TTC12: variants seen among roughly 807,000 people sequenced by gnomAD.
The protein encoded by TTC12 is tetratricopeptide repeat domain 12.
A neutral mutation model predicts 90.1 loss-of-function variants in TTC12; 70 were observed. The observed-to-expected ratio is 0.78, with a 90% CI of 0.64 to 0.95. The LOEUF is 0.95. Ranked by LOEUF, TTC12 falls within the 40% of genes least tolerant of loss-of-function variation. The pLI is 0.00. For missense variants in TTC12, 819 were observed against 846.1 expected, an observed-to-expected ratio of 0.97 and a Z score of 0.40; for synonymous variants, 296 against 311.5, an observed-to-expected ratio of 0.95 and a Z score of 0.53.
intron 7 of TTC12, among the ~76,000 whole-genome samples, 195 bp downstream of exon 7, chr11:113,330,174 A>C (rs1947961472): frequency 6.6e-6 from 1 of 152,210 alleles, no homozygotes; most frequent in Admixed American, 6.5e-5. Flanking sequence ...CCTAGAAAGC[A>C]ATCCAGGGAG....
intron 7 of TTC12, among the ~76,000 whole-genome samples, chr11:113,332,199 A>G (rs1555142782): frequency 6.6e-6 from 1 of 152,234 alleles, no homozygotes; most frequent in African/African-American, 2.4e-5. Flanking sequence ...ACAATGAAAT[A>G]CATCTTCCTC....
At chr11:113,314,713 C>T (rs1418383767) in intron 1 of TTC12, 95 bp downstream of exon 1, 3 of 152,918 alleles carry the variant, frequency 2.0e-5, no homozygotes, top group African/African-American at 7.2e-5. Flanking sequence ...GGCCCCAGAG[C>T]ATGGGAAGGT....
chr11:113,316,896 T>C lies in TTC12; in HGVS notation c.58+581T>C, dbSNP rs567865763. The stretch of plus-strand genomic sequence containing the variant: ...AGGAATTTCCAAACCTGTCAGTCCC[T>C]GTTCAGGGAGCTTGCTTGAGTATAG... On this transcript the variant is annotated intron_variant, in intron 2 of 21. Transcript: ENST00000529221. Among the ~76,000 whole-genome samples, 7 of 152,358 alleles carry C rather than the reference T, an allele frequency of 4.6e-5. No homozygotes were observed. The South Asian group carries it at 1.4e-3, about 32-fold the overall frequency.
chr11:113,341,392 A>C (rs1356246947), intron 11 of TTC12, among the ~76,000 whole-genome samples: 1 of 152,206 alleles, frequency 6.6e-6, no homozygotes, highest in Non-Finnish European at 1.5e-5. Context: ...TCATATCAAG[A>C]AGTGATATAA....
downstream of TTC12, chr11:113,368,183 C>A: frequency 1.4e-6 from 2 of 1,444,136 alleles, no homozygotes; most frequent in Non-Finnish European, 9.2e-7. Context: ...GTTTATTGTT[C>A]CAGAGTGCCT....
At chr11:113,317,233 C>T (rs1946996861) in intron 2 of TTC12, among the ~76,000 whole-genome samples, 1 of 152,138 alleles carries the variant, frequency 6.6e-6, no homozygotes, top group African/African-American at 2.4e-5. Flanking sequence ...CTCTATGGTA[C>T]TGTCATACCT....
intron 13 of TTC12, 126 bp downstream of exon 13, chr11:113,344,566 G>A: frequency 9.9e-7 from 1 of 1,007,798 alleles, no homozygotes. Context: ...AAGAGCCTTT[G>A]ACAAGAGTGC....
intron 18 of TTC12, among the ~76,000 whole-genome samples, chr11:113,361,951 AT>A (rs200769656): frequency 0.012 from 1,608 of 129,552 alleles, 26 homozygotes; most frequent in African/African-American, 0.038. Flanking sequence ...CTTGGCATTT[AT>A]TTAAAAAAAA....
chr11:113,368,100 T>G (rs148672209), downstream of TTC12: 150 of 1,143,712 alleles, frequency 1.3e-4, no homozygotes, highest in Non-Finnish European at 1.6e-4. Context: ...CCCTCCTTCT[T>G]GGCTCTTGAA....
chr11:113,355,755 A>G (rs1949599745), intron 16 of TTC12, among the ~76,000 whole-genome samples: 1 of 152,126 alleles, frequency 6.6e-6, no homozygotes. Flanking sequence ...AAGTTATTCA[A>G]TTTCCATTTA....
chr11:113,342,150 C>T (rs910701049), intron 12 of TTC12, among the ~76,000 whole-genome samples: 1 of 152,202 alleles, frequency 6.6e-6, no homozygotes, highest in Admixed American at 6.5e-5. Context: ...GAGTGGTCTC[C>T]TCTCTCCTCT....
intron 2 of TTC12, among the ~76,000 whole-genome samples, chr11:113,322,892 T>C (rs1394515828): frequency 1.3e-5 from 2 of 152,146 alleles, no homozygotes; most frequent in African/African-American, 4.8e-5. Context: ...TTTTGCGATT[T>C]TGAGCTGCCT....
rs782122045 is a variant in TTC12, at chr11:113,352,181, T to C, written c.1420T>C (p.Phe474Leu). ...AAGACACATGGCGGCCTGTGAGGAA[T>C]TTGGGGATGGCTGCTTGAGCCTCCT... ...TRRHMAACEE[F>L]GDGCLSLLAR... Residue 474 changes from phenylalanine to leucine, a missense_variant, in exon 16 of 22, where the codon TTT becomes CTT. By Grantham distance (22) the Phe-to-Leu change is conservative. Coordinates refer to ENST00000529221, the MANE Select transcript of TTC12 (RefSeq NM_017868.4). The C allele has an allele frequency of 5.0e-6, 8 of 1,614,086 alleles. No homozygotes were observed. The East Asian group carries it at 1.6e-4, about 31-fold the overall frequency.
chr11:113,323,479 A>T (rs1947479059), intron 3 of TTC12, 28 bp downstream of exon 3: 1 of 1,512,608 alleles, frequency 6.6e-7, no homozygotes, highest in East Asian at 2.3e-5. Context: ...GAAGTTATAT[A>T]AGTACTTACA....
At position 113,363,961 on chromosome 11, in the gene TTC12, C is replaced by G. The variant is rs372799070; in HGVS notation, c.1816+34C>G. The G allele has an allele frequency of 1.2e-5, 18 of 1,468,540 alleles. No homozygotes were observed. In the African/African-American group the frequency reaches 2.4e-4, roughly 19 times the overall value. The allele number at this position is 1,468,540 out of a possible 1,614,324, so 91.0% of individuals were successfully genotyped here. ...TGATTTCCTTAAGGGAGCCCTTGTC[C>G]CAGAGGTTCATCCACCCTTGAAGCT... On this transcript the variant is annotated intron_variant, in intron 20 of 21. Transcript: ENST00000529221.
chr11:113,361,494 C>A (rs1949919561), intron 18 of TTC12, among the ~76,000 whole-genome samples: 1 of 152,154 alleles, frequency 6.6e-6, no homozygotes. Flanking sequence ...TTATAATACC[C>A]TGGAGAGGAT....
intron 6 of TTC12, chr11:113,329,610 A>G (rs566598798): frequency 8.0e-6 from 4 of 502,436 alleles, no homozygotes; most frequent in South Asian, 6.2e-5. Context: ...CATTTTGTTC[A>G]TTGCTCCCTC....
intron 6 of TTC12, among the ~76,000 whole-genome samples, chr11:113,326,846 C>G (rs1947725462): frequency 6.6e-6 from 1 of 152,138 alleles, no homozygotes; most frequent in Non-Finnish European, 1.5e-5. Flanking sequence ...TCCCCTAATG[C>G]TTTATTTATA....
rs782645866 is a variant in TTC12 at position 113,359,420 on chromosome 11, C to T, written c.1504C>T (p.Leu502Phe). ...FREVIYTLLG[L>F]MMNLCLQAPF... is the part of the protein sequence containing the mutation. ...AGAGGTTATCTACACACTCCTGGGA[C>T]TCATGATGAACCTGTGTCTTCAGGC... The change falls in exon 17 of 22, where the codon CTC becomes TTC. Residue 502 changes from leucine (L) to phenylalanine (F), a missense_variant. Transcript: ENST00000529221. The T allele has an allele frequency of 2.5e-6, 4 of 1,613,552 alleles. No individual in the cohort carries two copies. In the African/African-American group the frequency reaches 4.0e-5, roughly 16 times the overall value.
Sources: gnomAD v4.1 joint callset for allele counts (sites outside exome capture counted in the v4.1 genomes callset) on GRCh38, gnomAD v4.1.1 for gene constraint, MANE v1.5 for transcripts, NCBI Gene and HGNC (gene_info 2026-07-23, HGNC 2026-07-21) for gene names.